The following PLEKHM1 variants were observed in gnomAD, a reference collection of about 807,000 sequenced individuals.
The protein encoded by PLEKHM1 is pleckstrin homology domain-containing family M member 1.
PLEKHM1 carries 28 observed loss-of-function variants against 94.3 expected under a neutral mutation model. That is an observed-to-expected ratio of 0.30 (90% CI 0.22 to 0.41). PLEKHM1 has a LOEUF of 0.41. Ranked by LOEUF, PLEKHM1 falls within the 10% of genes least tolerant of loss-of-function variation. The pLI is 1.00. For synonymous variants in PLEKHM1, 424 were observed against 581.2 expected, an observed-to-expected ratio of 0.73 and a Z score of 3.89; for missense variants, 907 against 1,358.6, an observed-to-expected ratio of 0.67 and a Z score of 5.22.
chr17:45,489,006 G>A (rs1268856214), intron 1 of PLEKHM1, among the ~76,000 whole-genome samples: 1 of 152,166 alleles, frequency 6.6e-6, no homozygotes, highest in Non-Finnish European at 1.5e-5. Flanking sequence ...GGGTCCTCAG[G>A]ATTCAGAGAA....
At position 45,440,214 on chromosome 17, in the gene PLEKHM1, C is replaced by A. The variant is rs1474098551; in HGVS notation, c.2850G>T (p.Arg950Ser). The change falls in exon 10 of 12, where the codon AGG (arginine) becomes AGT (serine). Residue 950 changes from arginine to serine, a missense_variant. Around this residue, in one of 3 missense-constraint regions of PLEKHM1, gnomAD observed 254 missense variants for 451.1 expected, o/e 0.56. Coordinates refer to ENST00000430334, the MANE Select transcript of PLEKHM1 (RefSeq NM_014798.3). ...TATGCGGAGATTCCAAGAGATAATT[C>A]CTGTGGTTGAGCCTTCAAACAAAAC... ...LKELSKRLNH[R>S]NYLLESPHRF... The A allele has an allele frequency of 7.4e-6, 12 of 1,613,980 alleles. No individual in the cohort carries two copies. Among genetic ancestry groups the A allele is most frequent in the Non-Finnish European group, 1.0e-5 (12 of 1,179,952 alleles).
chr17:45,470,114 C>T (rs547213026), intron 4 of PLEKHM1, among the ~76,000 whole-genome samples: 3 of 151,900 alleles, frequency 2.0e-5, no homozygotes, highest in Admixed American at 6.6e-5. Context: ...GACACCAACA[C>T]ATTTTAATGG....
chr17:45,458,722 C>T (rs1283519910), intron 5 of PLEKHM1, among the ~76,000 whole-genome samples: 7 of 151,064 alleles, frequency 4.6e-5, no homozygotes, highest in Middle Eastern at 3.5e-3. Context: ...CCACCCACCT[C>T]GGCCTCCCAA....
chr17:45,476,887 G>T (rs2051758295), intron 3 of PLEKHM1, among the ~76,000 whole-genome samples: 1 of 152,180 alleles, frequency 6.6e-6, no homozygotes, highest in Admixed American at 6.5e-5. Flanking sequence ...GGGAGCTTCA[G>T]CTCAGTAAAT....
At chr17:45,457,576 T>A (rs1469684238) in intron 6 of PLEKHM1, among the ~76,000 whole-genome samples, 1 of 147,160 alleles carries the variant, frequency 6.8e-6, no homozygotes, top group African/African-American at 2.5e-5. Flanking sequence ...AAAAAAAAAA[T>A]TAGCCAGGTG....
At chr17:45,461,915 C>T (rs889971728) in intron 5 of PLEKHM1, among the ~76,000 whole-genome samples, 2 of 152,170 alleles carry the variant, frequency 1.3e-5, no homozygotes, top group Non-Finnish European at 2.9e-5. Context: ...TGTGCCTCAA[C>T]ATGGAAGGGC....
intron 7 of PLEKHM1, among the ~76,000 whole-genome samples, chr17:45,451,527 C>G (rs558966841): frequency 6.6e-6 from 1 of 152,328 alleles, no homozygotes; most frequent in South Asian, 2.1e-4. Context: ...GCTGCCTCAC[C>G]CTGACCTTCA....
intron 5 of PLEKHM1, chr17:45,460,486 C>T (rs1262488616): frequency 6.6e-6 from 1 of 152,246 alleles, no homozygotes; most frequent in African/African-American, 2.4e-5. Flanking sequence ...AACTCCTGAC[C>T]TCAGGTGACC....
In PLEKHM1 at chr17:45,453,709, T is replaced by A; in HGVS notation, c.2143A>T (p.Ile715Phe). The stretch of plus-strand genomic sequence containing the variant: ...CTCAGCATCTTCTCATTGTTCCTGA[T>A]GCGGAAACATTTCAGAGCCTCCAAG... The part of the protein sequence containing the change: ...LSLEALKCFR[I>F]RNNEKMLSDS... The change falls in exon 7 of 12, where the codon ATC (isoleucine) becomes TTC (phenylalanine). Residue 715 changes from isoleucine (I) to phenylalanine (F), a missense_variant. Around this residue, in one of 3 missense-constraint regions of PLEKHM1, gnomAD observed 477 missense variants for 601.5 expected, o/e 0.79. Transcript: ENST00000430334. The surrounding 1 kb of genome is among the most constrained non-coding windows in gnomAD (Gnocchi z 4.1). The A allele has an allele frequency of 6.2e-7, 1 of 1,613,868 alleles. No homozygotes were observed. The highest frequency in any genetic ancestry group is 8.5e-7 in the Non-Finnish European group (1 of 1,179,834).
At position 45,471,648 on chromosome 17, in the gene PLEKHM1, C is replaced by T. The variant is rs1216281106; in HGVS notation, c.924-3055G>A. Among the ~76,000 whole-genome samples, 6 of 152,038 alleles carry T rather than the reference C, an allele frequency of 3.9e-5. No individual in the cohort carries two copies. The South Asian group carries it at 8.3e-4, about 21-fold the overall frequency. ...GCAGGCCCCTATAATCCCAGCTACT[C>T]GGGAGGCTGAGGCAGGAGAATCGCA... On this transcript the variant is annotated intron_variant, in intron 4 of 11. Transcript: ENST00000430334.
At chr17:45,461,117 G>A (rs1420867744) in intron 5 of PLEKHM1, among the ~76,000 whole-genome samples, 1 of 152,052 alleles carries the variant, frequency 6.6e-6, no homozygotes, top group Non-Finnish European at 1.5e-5. Context: ...TCGATCTCCT[G>A]ACCTCATGAT....
rs1486575870 is a variant in PLEKHM1 at position 45,482,502 on chromosome 17, C to T, written c.-18G>A. On this transcript the variant is annotated 5_prime_UTR_variant, in exon 2 of 12. Transcript: ENST00000430334. Reference sequence around the variant, plus strand: ...GAAAGCATCTCCACTCACGCAGCTGCTCCCTCAGAGAATCACATGACACCT... The same window carrying T: ...GAAAGCATCTCCACTCACGCAGCTGTTCCCTCAGAGAATCACATGACACCT... 9.1e-6 allele frequency: 9 copies of T among 990,602 alleles called. No individual in the cohort carries two copies. Among genetic ancestry groups the T allele is most frequent in the Non-Finnish European group, 1.4e-5 (9 of 626,914 alleles). The allele number at this position is 990,602 out of a possible 1,614,324, so 61.4% of individuals were successfully genotyped here. A position where few individuals can be genotyped will look rare whatever the true frequency, so the allele number is the denominator to read the frequency against.
At chr17:45,451,893 G>A (rs1047970782) in intron 7 of PLEKHM1, among the ~76,000 whole-genome samples, 9 of 152,240 alleles carry the variant, frequency 5.9e-5, no homozygotes, top group African/African-American at 1.2e-4. Flanking sequence ...TGAGCGCTGG[G>A]GCAGGCGGGG....
At chr17:45,472,387 C>G (rs1237868069) in intron 4 of PLEKHM1, among the ~76,000 whole-genome samples, 1 of 152,214 alleles carries the variant, frequency 6.6e-6, no homozygotes, top group Admixed American at 6.5e-5. Flanking sequence ...CGGGACAACA[C>G]TTCCTGCACA....
At chr17:45,456,450 G>A (rs968131636) in intron 6 of PLEKHM1, 6 of 152,202 alleles carry the variant, frequency 3.9e-5, no homozygotes, top group Admixed American at 3.9e-4. Context: ...CAACAACCAG[G>A]GTGTCCAAAG....
In PLEKHM1 at chr17:45,436,343, T is replaced by G. The variant is rs1194991220; in HGVS notation, c.*1515A>C. On this transcript the variant is annotated 3_prime_UTR_variant, in exon 12 of 12. Coordinates refer to ENST00000430334, the MANE Select transcript of PLEKHM1 (RefSeq NM_014798.3). ...GGCGTCTGGGCACAGGTGTGTGCCA[T>G]GACCGGGAGAAGCTGTGCGCAGCCT... 2 of 454,058 alleles carry G rather than the reference T, an allele frequency of 4.4e-6. No homozygotes were observed. Among genetic ancestry groups the G allele is most frequent in the Non-Finnish European group, 8.8e-6 (2 of 226,814 alleles). 28.1% of individuals were successfully genotyped at this position (454,058 alleles called of 1,614,324 possible).
intron 4 of PLEKHM1, among the ~76,000 whole-genome samples, chr17:45,473,511 GC>G (rs1180156174): frequency 6.6e-6 from 1 of 152,042 alleles, no homozygotes; most frequent in Non-Finnish European, 1.5e-5. Flanking sequence ...TGTATATACT[GC>G]CTTTGTAGGA....
chr17:45,474,965 T>C (rs2051665476), intron 4 of PLEKHM1, 135 bp downstream of exon 4: 15 of 887,906 alleles, frequency 1.7e-5, no homozygotes, highest in East Asian at 2.6e-5. Context: ...GAGAAGTCGA[T>C]GACTCCCTTG....
chr17:45,457,245 T>G (rs914073836), intron 6 of PLEKHM1, among the ~76,000 whole-genome samples: 7 of 141,240 alleles, frequency 5.0e-5, no homozygotes, highest in Middle Eastern at 9.5e-3. Flanking sequence ...CTGGCCAACA[T>G]AGCAAAACAC....
Sources: allele counts gnomAD v4.1 joint callset (sites outside exome capture counted in the v4.1 genomes callset), GRCh38; gene constraint gnomAD v4.1.1; regional missense constraint gnomAD v4.1.1; non-coding constraint Gnocchi (gnomAD v3.1); transcripts MANE v1.5; gene names NCBI Gene and HGNC (gene_info 2026-07-23, HGNC 2026-07-21).